Variants in ST3GAL3 observed in about 807,000 individuals in gnomAD.
ST3GAL3 encodes the protein CMP-N-acetylneuraminate-beta-1,4-galactoside alpha-2,3-sialyltransferase.
In ST3GAL3, 21 loss-of-function variants were observed where a neutral mutation model predicts 50.1. That is an observed-to-expected ratio of 0.42 (90% CI 0.30 to 0.60). The LOEUF is 0.60. ST3GAL3 is among the 20% of genes least tolerant of loss of function. The pLI is 0.19. For synonymous variants in ST3GAL3, 183 were observed against 190.0 expected (o/e 0.96, Z 0.30); for missense variants, 353 against 489.4 (o/e 0.72, Z 2.63).
At chr1:43,722,646 G>A (rs184673160) in intron 1 of ST3GAL3, among the ~76,000 whole-genome samples, 2 of 152,160 alleles carry the variant, frequency 1.3e-5, no homozygotes, top group Non-Finnish European at 2.9e-5. Flanking sequence ...GCTTCAGGAA[G>A]TATTTAGGGA....
chr1:43,798,563 C>T (rs1175375113), intron 3 of ST3GAL3, among the ~76,000 whole-genome samples: 1 of 152,156 alleles, frequency 6.6e-6, no homozygotes, highest in Non-Finnish European at 1.5e-5. Context: ...CTAGACTGTT[C>T]TTACCTCCTG....
intron 2 of ST3GAL3, among the ~76,000 whole-genome samples, chr1:43,752,302 T>C (rs1365897977): frequency 1.3e-5 from 2 of 152,192 alleles, no homozygotes; most frequent in African/African-American, 4.8e-5. Context: ...GGACTGCTCT[T>C]GTTCCATTTT....
At chr1:43,864,569 G>A (rs2070830601) in intron 5 of ST3GAL3, among the ~76,000 whole-genome samples, 1 of 152,184 alleles carries the variant, frequency 6.6e-6, no homozygotes. Context: ...GTCATGCTGA[G>A]AAGTTTGAAC....
intron 2 of ST3GAL3, among the ~76,000 whole-genome samples, chr1:43,777,425 C>T (rs188727164): frequency 2.6e-5 from 4 of 152,170 alleles, no homozygotes; most frequent in African/African-American, 4.8e-5. Flanking sequence ...GGTACAAAAA[C>T]AGACACATAG....
chr1:43,719,934 G>GAAAAAAA (rs148364295), intron 1 of ST3GAL3, among the ~76,000 whole-genome samples: 20 of 41,730 alleles, frequency 4.8e-4, no homozygotes, highest in Admixed American at 7.6e-4. Flanking sequence ...CTCTGTCTCA[G>GAAAAAAA]AAAAAAAAAA....
chr1:43,825,878 A>G (rs2062731749), intron 4 of ST3GAL3, among the ~76,000 whole-genome samples: 1 of 152,202 alleles, frequency 6.6e-6, no homozygotes, highest in Non-Finnish European at 1.5e-5. Flanking sequence ...CTTTGCAAAT[A>G]TCTATAAAAT....
chr1:43,728,707 C>T (rs1434813416), intron 1 of ST3GAL3, among the ~76,000 whole-genome samples: 1 of 152,106 alleles, frequency 6.6e-6, no homozygotes, highest in Non-Finnish European at 1.5e-5. Context: ...GGTATGATCA[C>T]GCCACTGCAC....
chr1:43,875,773 T>C (rs1326838382), intron 5 of ST3GAL3, among the ~76,000 whole-genome samples: 1 of 152,086 alleles, frequency 6.6e-6, no homozygotes. Flanking sequence ...CAGTCTTGGG[T>C]ATTTCTTTAT....
At chr1:43,728,365 A>AAAAACAAAAACG (rs1354587482) in intron 1 of ST3GAL3, among the ~76,000 whole-genome samples, 2 of 151,986 alleles carry the variant, frequency 1.3e-5, no homozygotes, top group Non-Finnish European at 2.9e-5. Context: ...AAACAAAAAC[A>AAAAACAAAAACG]CCATCAAAAT....
At chr1:43,759,195 C>G (rs1166597281) in intron 2 of ST3GAL3, among the ~76,000 whole-genome samples, 1 of 152,050 alleles carries the variant, frequency 6.6e-6, no homozygotes, top group Non-Finnish European at 1.5e-5. Context: ...CCTGTAATCC[C>G]AGCACTTTGG....
intron 5 of ST3GAL3, among the ~76,000 whole-genome samples, chr1:43,855,358 C>T (rs754041316): frequency 3.3e-5 from 5 of 152,168 alleles, no homozygotes; most frequent in African/African-American, 1.2e-4. Context: ...GCCTGTGATC[C>T]CATCACTTTG....
At chr1:43,772,342 C>G (rs1463540947) in intron 2 of ST3GAL3, 3 of 277,172 alleles carry the variant, frequency 1.1e-5, no homozygotes, top group Non-Finnish European at 2.0e-5. Flanking sequence ...GCCACTGCGT[C>G]TGGCCAGTGA....
At chr1:43,745,715 G>A (rs1456686563) in intron 2 of ST3GAL3, among the ~76,000 whole-genome samples, 3 of 152,200 alleles carry the variant, frequency 2.0e-5, no homozygotes, top group Non-Finnish European at 4.4e-5. Context: ...TGCAGCCTCC[G>A]CCCTCTGGGT....
At chr1:43,790,258 T>A (rs72678691) in intron 2 of ST3GAL3, among the ~76,000 whole-genome samples, 1 of 152,104 alleles carries the variant, frequency 6.6e-6, no homozygotes, top group South Asian at 2.1e-4. Flanking sequence ...TTTATGAAAC[T>A]TACAACCTAG....
chr1:43,773,271 A>AT (rs1051252538), intron 2 of ST3GAL3, among the ~76,000 whole-genome samples: 2 of 151,954 alleles, frequency 1.3e-5, no homozygotes, highest in African/African-American at 2.4e-5. Context: ...CCTACCTGTG[A>AT]TTTTTTTGTT....
chr1:43,718,829 A>C (rs1322897855), intron 1 of ST3GAL3, among the ~76,000 whole-genome samples: 14 of 151,828 alleles, frequency 9.2e-5, no homozygotes, highest in Non-Finnish European at 2.1e-4. Flanking sequence ...CTGAGATTAC[A>C]GGGGCCCACC....
At chr1:43,725,237 C>T (rs1672369372) in intron 1 of ST3GAL3, among the ~76,000 whole-genome samples, 1 of 151,946 alleles carries the variant, frequency 6.6e-6, no homozygotes, top group East Asian at 1.9e-4. Flanking sequence ...TGGAGTTTCA[C>T]TCTTGTTGCT....
At position 43,930,151 on chromosome 1, in the gene ST3GAL3, A is replaced by G; in HGVS notation, c.1058A>G (p.Gln353Arg). ...AIKESWTHNI[Q>R]REKEFLRKLV... is the part of the protein sequence containing the mutation. ...TTTCAGTCCTGGACGCACAATATCC[A>G]GCGAGAGAAAGAGTTTCTGCGGAAG... The change falls in exon 12 of 12, where the codon CAG (glutamine) becomes CGG (arginine). Residue 353 changes from glutamine (Q) to arginine (R), a missense_variant. Coordinates refer to ENST00000347631, the MANE Select transcript of ST3GAL3 (RefSeq NM_006279.5). The G allele has an allele frequency of 1.9e-6, 3 of 1,614,220 alleles. No individual in the cohort carries two copies. Among genetic ancestry groups the G allele is most frequent in the Non-Finnish European group, 2.5e-6 (3 of 1,180,040 alleles).
chr1:43,778,025 C>T (rs909955706), intron 2 of ST3GAL3, among the ~76,000 whole-genome samples: 1 of 152,174 alleles, frequency 6.6e-6, no homozygotes, highest in Non-Finnish European at 1.5e-5. Context: ...ATAGAATCAA[C>T]CCAGATGCCA....
Sources: allele counts gnomAD v4.1 joint callset (sites outside exome capture counted in the v4.1 genomes callset), GRCh38; gene constraint gnomAD v4.1.1; transcripts MANE v1.5; gene names NCBI Gene and HGNC (gene_info 2026-07-23, HGNC 2026-07-21).